The following PRR33 variants were observed in gnomAD, a reference collection of about 807,000 sequenced individuals.
The protein encoded by PRR33 is proline-rich protein 33.
Under a neutral mutation model 0.5 loss-of-function variants are expected in PRR33, and 1 was observed. The ratio of observed to expected loss-of-function variants is 2.18; its 90% CI spans 0.77 to 10.34. The LOEUF (loss-of-function observed/expected upper bound fraction) is 10.34, where lower values mean the gene tolerates loss of function less well. PRR33 is among the 30% of genes most tolerant of loss of function. The probability of loss-of-function intolerance (pLI) is 0.13; values close to 1 mark genes in which losing one functional copy is unlikely to be tolerated. For synonymous variants in PRR33, 226 were observed against 110.0 expected (o/e 2.06, Z -6.60); for missense variants, 552 against 251.8 (o/e 2.19, Z -8.07).
chr11:1,911,247 A>C, the PRR33 span, among the ~76,000 whole-genome samples: 1,319 of 152,142 alleles, frequency 8.7e-3, 12 homozygotes, highest in Middle Eastern at 0.031. Context: ...TTCAAGACCA[A>C]CCTGGCTAAT....
upstream of PRR33, among the ~76,000 whole-genome samples, chr11:1,894,485 C>A (rs907289085): frequency 6.6e-6 from 1 of 152,186 alleles, no homozygotes; most frequent in Non-Finnish European, 1.5e-5. Flanking sequence ...ACCCCCCCTG[C>A]CTCCACCTCC....
At chr11:1,913,811 C>A in the PRR33 span, among the ~76,000 whole-genome samples, 3 of 152,246 alleles carry the variant, frequency 2.0e-5, no homozygotes, top group Non-Finnish European at 4.4e-5. Flanking sequence ...TCCTAGACGC[C>A]TCACCCCGCG....
At chr11:1,888,558 C>T (rs77413927) in exon 1 of PRR33, 4,252 of 152,500 alleles carry the variant, frequency 0.028, 104 homozygotes, top group African/African-American at 0.068. Flanking sequence ...CCCTGCCTGC[C>T]CCTGAGCACT....
the PRR33 span, among the ~76,000 whole-genome samples, chr11:1,903,953 A>G: frequency 6.6e-6 from 1 of 152,170 alleles, no homozygotes; most frequent in Non-Finnish European, 1.5e-5. Context: ...ACTGCATCCA[A>G]GCCAGTGAAT....
At chr11:1,902,673 GACCCC>G in the PRR33 span, 3 of 152,118 alleles carry the variant, frequency 2.0e-5, no homozygotes, top group African/African-American at 7.2e-5. Context: ...TCCTGATCCA[GACCCC>G]AAGAGAGGGT....
chr11:1,911,827 A>G, the PRR33 span, among the ~76,000 whole-genome samples: 1 of 152,028 alleles, frequency 6.6e-6, no homozygotes, highest in Admixed American at 6.6e-5. Context: ...GAATCACTAC[A>G]TCATTCAGTT....
the PRR33 span, among the ~76,000 whole-genome samples, chr11:1,900,540 G>A: frequency 6.6e-6 from 1 of 152,182 alleles, no homozygotes; most frequent in African/African-American, 2.4e-5. Flanking sequence ...CCTCCTGGAG[G>A]ACTCAATATT....
At chr11:1,900,108 A>T in the PRR33 span, among the ~76,000 whole-genome samples, 2 of 151,908 alleles carry the variant, frequency 1.3e-5, no homozygotes, top group African/African-American at 4.8e-5. Context: ...TGGAGTGCAG[A>T]GCATTTAATA....
the PRR33 span, among the ~76,000 whole-genome samples, chr11:1,917,541 GC>G: frequency 6.6e-6 from 1 of 152,182 alleles, no homozygotes; most frequent in African/African-American, 2.4e-5. Flanking sequence ...CTTGTGCCCT[GC>G]CCCCACCCAG....
At chr11:1,890,818 C>T in exon 1 of PRR33, 1 of 574,130 alleles carries the variant, frequency 1.7e-6, no homozygotes, top group Non-Finnish European at 3.1e-6. Flanking sequence ...GCCACAGAGG[C>T]CGAGTCCCTC....
chr11:1,900,284 G>A, the PRR33 span, among the ~76,000 whole-genome samples: 8 of 152,140 alleles, frequency 5.3e-5, no homozygotes, highest in Non-Finnish European at 1.5e-5. Context: ...TGACTTGGAC[G>A]ATGGATTTAA....
At chr11:1,894,581 G>A (rs1452403577), upstream of PRR33, among the ~76,000 whole-genome samples, 3 of 152,118 alleles carry the variant, frequency 2.0e-5, no homozygotes, top group South Asian at 2.1e-4. Context: ...CCTGCAGCAC[G>A]CACGCACTCC....
At chr11:1,893,387 G>A (rs1194556402), upstream of PRR33, among the ~76,000 whole-genome samples, 7 of 151,526 alleles carry the variant, frequency 4.6e-5, no homozygotes, top group Non-Finnish European at 8.8e-5. Flanking sequence ...ATGGATGAGT[G>A]GGTGAATAGG....
chr11:1,893,847 G>A (rs1470290675), upstream of PRR33, among the ~76,000 whole-genome samples: 1 of 151,138 alleles, frequency 6.6e-6, no homozygotes, highest in African/African-American at 2.4e-5. Context: ...ATGAAAGGAT[G>A]GATGAAAGGA....
chr11:1,914,567 C>T, the PRR33 span, among the ~76,000 whole-genome samples: 1 of 135,646 alleles, frequency 7.4e-6, no homozygotes, highest in Non-Finnish European at 1.5e-5. Context: ...GGTATATACA[C>T]CTGGGGATGT....
At chr11:1,913,946 A>G in the PRR33 span, among the ~76,000 whole-genome samples, 63 of 152,336 alleles carry the variant, frequency 4.1e-4, no homozygotes, top group Non-Finnish European at 7.5e-4. Context: ...GCCCCTGTCC[A>G]TGGGTGGTGA....
At chr11:1,905,122 CTTTTTTT>C in the PRR33 span, among the ~76,000 whole-genome samples, 15 of 96,584 alleles carry the variant, frequency 1.6e-4, no homozygotes, top group African/African-American at 6.1e-4. Flanking sequence ...CTTGAGAATT[CTTTTTTT>C]TTTTTTTTTT....
exon 1 of PRR33, chr11:1,889,838 C>T: frequency 1.6e-6 from 1 of 634,402 alleles, no homozygotes; most frequent in South Asian, 1.8e-5. Context: ...CGGGTGGCGG[C>T]CGTGGTACAG....
the PRR33 span, among the ~76,000 whole-genome samples, chr11:1,905,989 A>ATT: frequency 1.9e-3 from 249 of 129,616 alleles, 1 homozygote; most frequent in African/African-American, 6.4e-3. Context: ...CAGCTAAAGT[A>ATT]TTTTTTTTTT....
Sources: allele counts gnomAD v4.1 joint callset (sites outside exome capture counted in the v4.1 genomes callset), GRCh38; gene constraint gnomAD v4.1.1; transcripts MANE v1.5; gene names NCBI Gene and HGNC (gene_info 2026-07-23, HGNC 2026-07-21).